The following RAB11FIP4 variants were observed in gnomAD, a reference collection of about 807,000 sequenced individuals.
RAB11FIP4 encodes RAB11 family interacting protein 4.
A neutral mutation model predicts 74.3 loss-of-function variants in RAB11FIP4; 23 were observed. The observed-to-expected ratio is 0.31, with a 90% CI of 0.22 to 0.44. The LOEUF is 0.44. RAB11FIP4 is among the 20% of genes least tolerant of loss of function. The probability of loss-of-function intolerance (pLI) is 1.00; values close to 1 mark genes in which losing one functional copy is unlikely to be tolerated. For synonymous variants in RAB11FIP4, 360 were observed against 359.9 expected, an observed-to-expected ratio of 1.00 and a Z score of 0.00; for missense variants, 630 against 863.9, an observed-to-expected ratio of 0.73 and a Z score of 3.39.
At chr17:31,402,033 A>G (rs1314316875) in intron 1 of RAB11FIP4, among the ~76,000 whole-genome samples, 1 of 151,972 alleles carries the variant, frequency 6.6e-6, no homozygotes, top group Admixed American at 6.6e-5. Flanking sequence ...CCTTCCATCC[A>G]TATATACCCA....
intron 3 of RAB11FIP4, among the ~76,000 whole-genome samples, chr17:31,501,197 T>G (rs1231775857): frequency 6.6e-6 from 1 of 151,836 alleles, no homozygotes; most frequent in Admixed American, 6.6e-5. Flanking sequence ...ACAACTTTTT[T>G]TTTTTTTTAG....
chr17:31,517,194 G>GGGT (rs1555549983), intron 3 of RAB11FIP4, among the ~76,000 whole-genome samples: 1 of 58,776 alleles, frequency 1.7e-5, no homozygotes, highest in Non-Finnish European at 3.1e-5. Context: ...GGCGGTGCGG[G>GGGT]GGGGGGGGCG....
At chr17:31,432,562 G>A (rs748562292) in intron 2 of RAB11FIP4, among the ~76,000 whole-genome samples, 6 of 151,950 alleles carry the variant, frequency 3.9e-5, no homozygotes, top group Non-Finnish European at 8.8e-5. Flanking sequence ...GTTTTGTCAC[G>A]TTGTCCAGCC....
chr17:31,446,357 G>A (rs1458715962), intron 3 of RAB11FIP4, among the ~76,000 whole-genome samples: 1 of 152,102 alleles, frequency 6.6e-6, no homozygotes, highest in Non-Finnish European at 1.5e-5. Context: ...AAAAATAAAT[G>A]CCTAATTGTG....
At chr17:31,521,508 G>T in intron 5 of RAB11FIP4, 148 bp downstream of exon 5, 1 of 718,284 alleles carries the variant, frequency 1.4e-6, no homozygotes, top group Non-Finnish European at 2.2e-6. Context: ...GCTTGGGGTT[G>T]CTACCTTCGC....
chr17:31,439,795 G>T (rs915215776), intron 3 of RAB11FIP4, among the ~76,000 whole-genome samples: 11 of 152,002 alleles, frequency 7.2e-5, no homozygotes, highest in African/African-American at 1.9e-4. Flanking sequence ...TTTTTTGTTT[G>T]TTTGTTTGTT....
At position 31,521,181 on chromosome 17, in the gene RAB11FIP4, T is replaced by C. The variant is rs770361884; in HGVS notation, c.579T>C (p.Thr193=). The change falls in exon 5 of 15, where the codon ACT becomes ACC. Residue 193 remains threonine, a synonymous_variant. Coordinates refer to ENST00000621161, the MANE Select transcript of RAB11FIP4 (RefSeq NM_032932.6). The stretch of plus-strand genomic sequence containing the variant: ...GGACCCTCAGGTCCCTGGTCCACAC[T>C]CCATCCATGACGACCTCAGACCTTT... ...FLPEDKSLVH[T]PSMTTSDLST... is the part of the protein sequence containing the mutation. 1.9e-6 allele frequency: 3 copies of C among 1,600,488 alleles called. No individual in the cohort carries two copies. The highest frequency in any genetic ancestry group is 2.6e-6 in the Non-Finnish European group (3 of 1,171,510).
intron 13 of RAB11FIP4, among the ~76,000 whole-genome samples, chr17:31,529,825 G>A (rs907484712): frequency 1.3e-4 from 20 of 152,204 alleles, no homozygotes; most frequent in South Asian, 2.1e-4. Flanking sequence ...AGGGTCCCAG[G>A]TGTGAGCATT....
intron 1 of RAB11FIP4, among the ~76,000 whole-genome samples, chr17:31,398,368 C>T (rs2070951103): frequency 6.6e-6 from 1 of 152,154 alleles, no homozygotes; most frequent in East Asian, 1.9e-4. Context: ...AAGCCTGAAT[C>T]CATTTGGCAA....
chr17:31,459,729 G>A (rs1175896150), intron 3 of RAB11FIP4, among the ~76,000 whole-genome samples: 1 of 151,968 alleles, frequency 6.6e-6, no homozygotes, highest in Non-Finnish European at 1.5e-5. Flanking sequence ...CTGCCACCCA[G>A]AAGCTTTTCC....
intron 3 of RAB11FIP4, chr17:31,487,875 T>A (rs1356398848): frequency 9.4e-6 from 2 of 212,350 alleles, no homozygotes; most frequent in Non-Finnish European, 8.0e-6. Flanking sequence ...GTCGGCGCCC[T>A]GGAGCCACCT....
rs554036628 is a variant in RAB11FIP4 at position 31,399,574 on chromosome 17, G to A, written c.159+7563G>A. Among the ~76,000 whole-genome samples the A allele has an allele frequency of 3.3e-5, 5 of 151,874 alleles. No individual in the cohort carries two copies. In the East Asian group the frequency reaches 7.8e-4, roughly 24 times the overall value. On this transcript the variant is annotated intron_variant, in intron 1 of 14. Transcript: ENST00000621161. ...CTAAAAATACAAAAATTAGCCGGGC[G>A]TGGTGGCATGCGCCTGTAGTCCCAG...
chr17:31,478,816 A>C (rs959708804), intron 3 of RAB11FIP4, among the ~76,000 whole-genome samples: 2 of 152,192 alleles, frequency 1.3e-5, no homozygotes, highest in Non-Finnish European at 2.9e-5. Context: ...CAAATCATAG[A>C]CACCTGATGT....
intron 3 of RAB11FIP4, among the ~76,000 whole-genome samples, chr17:31,516,658 CG>C (rs1263262723): frequency 2.0e-5 from 3 of 152,148 alleles, no homozygotes; most frequent in African/African-American, 2.4e-5. Context: ...TTAGTAGAGA[CG>C]GGGTTTCACC....
intron 1 of RAB11FIP4, among the ~76,000 whole-genome samples, chr17:31,430,702 A>T (rs747993964): frequency 1.1e-4 from 17 of 151,918 alleles, no homozygotes; most frequent in Admixed American, 2.6e-4. Context: ...ATGATACTGG[A>T]AGGTTTTAAG....
intron 14 of RAB11FIP4, 95 bp downstream of exon 14, chr17:31,530,564 G>T: frequency 6.7e-7 from 1 of 1,493,044 alleles, no homozygotes; most frequent in Non-Finnish European, 9.1e-7. Context: ...AACCAGACCA[G>T]GGCCTGGCAG....
At chr17:31,448,392 A>ATTTTTTTTTTCTTTT (rs2071490029) in intron 3 of RAB11FIP4, 1 of 79,832 alleles carries the variant, frequency 1.3e-5, no homozygotes, top group Admixed American at 1.8e-4. Flanking sequence ...CATCCAGCTA[A>ATTTTTTTTTTCTTTT]TTTTTTTTTT....
rs1190535852 is a variant in RAB11FIP4 at position 31,523,916 on chromosome 17, G to T, written c.1053G>T (p.Val351=). The T allele has an allele frequency of 6.2e-7, 1 of 1,611,694 alleles. No homozygotes were observed. The highest frequency in any genetic ancestry group is 8.5e-7 in the Non-Finnish European group (1 of 1,179,048). Residue 351 remains valine (V), a synonymous_variant, in exon 9 of 15, where the codon GTG becomes GTT. Coordinates refer to ENST00000621161, the MANE Select transcript of RAB11FIP4 (RefSeq NM_032932.6). ...TEKVSFLEKK[V]TELENDSLTN... is the part of the protein sequence containing the mutation. ...AGGTAAGCTTCCTGGAAAAGAAGGTGACAGAGCTGGAGAATGACAGCCTGA... is the reference window on the plus strand; with the variant it reads ...AGGTAAGCTTCCTGGAAAAGAAGGTTACAGAGCTGGAGAATGACAGCCTGA...
chr17:31,494,499 G>A (rs543910331), intron 3 of RAB11FIP4, among the ~76,000 whole-genome samples: 1 of 152,300 alleles, frequency 6.6e-6, no homozygotes, highest in South Asian at 2.1e-4. Flanking sequence ...CTAACAGAAT[G>A]TCTTGCCGGG....
Sources: gnomAD v4.1 joint callset for allele counts (sites outside exome capture counted in the v4.1 genomes callset) on GRCh38, gnomAD v4.1.1 for gene constraint, MANE v1.5 for transcripts, NCBI Gene and HGNC (gene_info 2026-07-23, HGNC 2026-07-21) for gene names.